The following PRKCG variants were observed in gnomAD, a reference collection of about 807,000 sequenced individuals.
PRKCG encodes the protein protein kinase C gamma, also known as protein kinase C gamma type.
PRKCG carries 28 observed loss-of-function variants against 82.0 expected under a neutral mutation model. The observed-to-expected ratio is 0.34, with a 90% CI of 0.25 to 0.47. PRKCG has a LOEUF of 0.47. Among genes scored for constraint, PRKCG ranks in the 20% least tolerant of loss-of-function variants. PRKCG has a pLI of 1.00. For missense variants in PRKCG, 640 were observed against 952.7 expected (o/e 0.67, Z 4.32); for synonymous variants, 383 against 376.6 (o/e 1.02, Z -0.20).
rs1266525283 is a variant in PRKCG at position 53,883,859 on chromosome 19, A to G, written c.203-302A>G. On this transcript the variant is annotated intron_variant, in intron 2 of 17. Coordinates refer to ENST00000263431, the MANE Select transcript of PRKCG (RefSeq NM_002739.5). The surrounding 1 kb of genome is among the most constrained non-coding windows in gnomAD (Gnocchi z 5.4). ...TCCGTGGGCCTGTGTCTGTTTGTCA[A>G]TGGGATCCTATTTTCTTTCTCTCTT... Among the ~76,000 whole-genome samples, 27 of 151,970 alleles carry G rather than the reference A, an allele frequency of 1.8e-4. No individual in the cohort carries two copies. Among genetic ancestry groups the G allele is most frequent in the Admixed American group, 1.7e-3 (26 of 15,258 alleles).
intron 3 of PRKCG, among the ~76,000 whole-genome samples, chr19:53,887,193 G>C (rs1044101128): frequency 6.6e-6 from 1 of 151,908 alleles, no homozygotes; most frequent in Non-Finnish European, 1.5e-5. Flanking sequence ...GCTGGCAGTT[G>C]ATCTTCTTAA....
At chr19:53,890,748 A>AT (rs540543756) in intron 5 of PRKCG, among the ~76,000 whole-genome samples, 1,356 of 119,760 alleles carry the variant, frequency 0.011, 14 homozygotes, top group Non-Finnish European at 0.014. Context: ...CATCCGGCTA[A>AT]TTTTTTTTTT....
intron 10 of PRKCG, 61 bp from the exon 11 acceptor site, chr19:53,898,379 G>T: frequency 6.3e-7 from 1 of 1,592,706 alleles, no homozygotes; most frequent in South Asian, 1.1e-5. Context: ...TTAGGGAGGG[G>T]GCAGGTCCTG....
intron 6 of PRKCG, 28 bp downstream of exon 6, chr19:53,891,858 G>A: frequency 6.2e-7 from 1 of 1,613,514 alleles, no homozygotes; most frequent in Non-Finnish European, 8.5e-7. Flanking sequence ...GGAAGGCAAT[G>A]ACAGCTGACA....
At chr19:53,894,097 G>C (rs941312713) in intron 9 of PRKCG, among the ~76,000 whole-genome samples, 11 of 136,662 alleles carry the variant, frequency 8.0e-5, no homozygotes, top group East Asian at 2.3e-4. Flanking sequence ...ACGGAGTCTC[G>C]CTGTGACGCC....
rs1383023897 is a variant in PRKCG, at chr19:53,900,785, G to T, written c.1575+36G>T. On this transcript the variant is annotated intron_variant, in intron 14 of 17. Coordinates refer to ENST00000263431, the MANE Select transcript of PRKCG (RefSeq NM_002739.5). This position sits in a 1 kb window ranked among gnomAD's most constrained non-coding sequence, Gnocchi z 4.2. ...CCCTGCTGCTCTGGTCACGCTTTGA[G>T]ATCCCTTAGAGGGTGTAGCTGATGG... is the stretch of plus-strand genomic sequence containing the variant. 1 of 1,613,754 alleles carries T rather than the reference G, an allele frequency of 6.2e-7. No individual in the cohort carries two copies. Among genetic ancestry groups the T allele is most frequent in the Admixed American group, 1.7e-5 (1 of 60,030 alleles).
intron 11 of PRKCG, among the ~76,000 whole-genome samples, chr19:53,899,336 C>G (rs1302818781): frequency 1.3e-5 from 2 of 152,140 alleles, no homozygotes; most frequent in Non-Finnish European, 2.9e-5. Context: ...GAATTTTCAG[C>G]AAAGGGGCAC....
intron 9 of PRKCG, among the ~76,000 whole-genome samples, chr19:53,893,616 A>T (rs536174743): frequency 6.6e-6 from 1 of 152,222 alleles, no homozygotes; most frequent in Admixed American, 6.5e-5. Context: ...ATACAGGAAG[A>T]TGTGCTAAAT....
chr19:53,897,294 T>C (rs1422635554), intron 9 of PRKCG, among the ~76,000 whole-genome samples: 1 of 152,140 alleles, frequency 6.6e-6, no homozygotes, highest in East Asian at 1.9e-4. Flanking sequence ...CAGCCGTCCA[T>C]GTAGAGGGAC....
In PRKCG at chr19:53,900,697, C is replaced by G; in HGVS notation, c.1523C>G (p.Pro508Arg). 6.2e-7 allele frequency: 1 copy of G among 1,614,240 alleles called. No individual in the cohort carries two copies. The highest frequency in any genetic ancestry group is 8.5e-7 in the Non-Finnish European group (1 of 1,180,052). Residue 508 changes from proline (P) to arginine (R), a missense_variant, in exon 14 of 18, where the codon CCC becomes CGC. Physicochemically the swap from Pro to Arg is moderately radical, Grantham distance 103 (BLOSUM62 -2). Coordinates refer to ENST00000263431, the MANE Select transcript of PRKCG (RefSeq NM_002739.5). This position sits in a 1 kb window ranked among gnomAD's most constrained non-coding sequence, Gnocchi z 4.2. ...DFGMCKENVF[P>R]GTTTRTFCGT... ...GGCATGTGTAAGGAGAACGTCTTCC[C>G]CGGGACGACAACCCGCACCTTCTGC...
At chr19:53,898,756 C>CAGACGA (rs1481476767) in intron 11 of PRKCG, 128 bp downstream of exon 11, 2 of 228,108 alleles carry the variant, frequency 8.8e-6, no homozygotes, top group African/African-American at 3.5e-5. Flanking sequence ...CGAGGCCAGG[C>CAGACGA]GGATTGTCTC....
At chr19:53,895,691 G>A (rs62143254) in intron 9 of PRKCG, among the ~76,000 whole-genome samples, 4,888 of 152,192 alleles carry the variant, frequency 0.032, 106 homozygotes, top group Non-Finnish European at 0.051. Context: ...ACTCAGTGAC[G>A]ATCTCTCTGA....
chr19:53,906,831 A>T lies in PRKCG; in HGVS notation c.2030A>T (p.Asn677Ile), dbSNP rs2068816237. The change falls in exon 18 of 18, where the codon AAC becomes ATC. Residue 677 changes from asparagine (N) to isoleucine (I), a missense_variant. By Grantham distance (149) the Asn-to-Ile change is moderately radical. Transcript: ENST00000263431. ...QADFQGFTYV[N>I]PDFVHPDARS... Reference sequence around the variant, plus strand: ...GATTTCCAGGGCTTCACCTACGTGAACCCCGACTTCGTGCACCCGGATGCC... The same window carrying T: ...GATTTCCAGGGCTTCACCTACGTGATCCCCGACTTCGTGCACCCGGATGCC... 1 of 1,613,438 alleles carries T rather than the reference A, an allele frequency of 6.2e-7. No individual in the cohort carries two copies. The highest frequency in any genetic ancestry group is 8.5e-7 in the Non-Finnish European group (1 of 1,179,944).
At position 53,884,276 on chromosome 19, in the gene PRKCG, G is replaced by C. The variant is rs2068615746; in HGVS notation, c.285+33G>C. On this transcript the variant is annotated intron_variant, in intron 3 of 17. Transcript: ENST00000263431. This position sits in a 1 kb window ranked among gnomAD's most constrained non-coding sequence, Gnocchi z 4.6. Reference sequence around the variant, plus strand: ...CTCGGACACCTGGTTCTCCTCCTCGGGCCGTGCCCCCGCCCTCACCCCCTC... The same window carrying C: ...CTCGGACACCTGGTTCTCCTCCTCGCGCCGTGCCCCCGCCCTCACCCCCTC... 1 of 1,603,496 alleles carries C rather than the reference G, an allele frequency of 6.2e-7. No individual in the cohort carries two copies. The highest frequency in any genetic ancestry group is 8.5e-7 in the Non-Finnish European group (1 of 1,171,346).
Position 53,892,851 on chromosome 19 carries a change from C to G in PRKCG, c.822-137C>G. The G allele has an allele frequency of 9.5e-7, 1 of 1,055,788 alleles. No homozygotes were observed. 65.4% of individuals were successfully genotyped at this position (1,055,788 alleles called of 1,614,324 possible). The stretch of plus-strand genomic sequence containing the variant: ...CTCCCCTCCCTTTCTCCCTCTCCCT[C>G]TCTTTTTATCTCACTCTTTCTCTCT... On this transcript the variant is annotated intron_variant, in intron 7 of 17. Coordinates refer to ENST00000263431, the MANE Select transcript of PRKCG (RefSeq NM_002739.5). The surrounding 1 kb of genome is among the most constrained non-coding windows in gnomAD (Gnocchi z 5.9).
Position 53,892,012 on chromosome 19 carries a change from G to C in PRKCG, c.686+182G>C, listed in dbSNP as rs1025059353. On this transcript the variant is annotated intron_variant, in intron 6 of 17. Coordinates refer to ENST00000263431, the MANE Select transcript of PRKCG (RefSeq NM_002739.5). The surrounding 1 kb of genome is among the most constrained non-coding windows in gnomAD (Gnocchi z 5.9). ...GGAGTGGGATGGAGATACAGAAACG[G>C]AGAGACAGCCAGACCACTGTATAAT... Among the ~76,000 whole-genome samples, 4 of 152,142 alleles carry C rather than the reference G, an allele frequency of 2.6e-5. No individual in the cohort carries two copies. The highest frequency in any genetic ancestry group is 9.7e-5 in the African/African-American group (4 of 41,430).
chr19:53,888,647 G>A (rs1052288383), intron 3 of PRKCG, among the ~76,000 whole-genome samples: 3 of 152,104 alleles, frequency 2.0e-5, no homozygotes, highest in Non-Finnish European at 4.4e-5. Context: ...CATCTAACGT[G>A]GTAGGCACAG....
At chr19:53,885,349 C>T (rs987067609) in intron 3 of PRKCG, among the ~76,000 whole-genome samples, 9 of 152,150 alleles carry the variant, frequency 5.9e-5, no homozygotes, top group African/African-American at 1.7e-4. Context: ...CTACCTCAGC[C>T]TCCTGAGTAG....
At position 53,884,296 on chromosome 19, in the gene PRKCG, C is replaced by A; in HGVS notation, c.285+53C>A. On this transcript the variant is annotated intron_variant, in intron 3 of 17. Transcript: ENST00000263431. This position sits in a 1 kb window ranked among gnomAD's most constrained non-coding sequence, Gnocchi z 4.6. The stretch of plus-strand genomic sequence containing the variant: ...CCTCGGGCCGTGCCCCCGCCCTCAC[C>A]CCCTCGGCGTCCGTCCCAATTTCTC... The A allele has an allele frequency of 2.6e-6, 4 of 1,528,120 alleles. No homozygotes were observed. The highest frequency in any genetic ancestry group is 2.1e-4 in the Middle Eastern group (1 of 4,774). The allele number at this position is 1,528,120 out of a possible 1,614,324, so 94.7% of individuals were successfully genotyped here.
Sources: allele counts gnomAD v4.1 joint callset (sites outside exome capture counted in the v4.1 genomes callset), GRCh38; gene constraint gnomAD v4.1.1; non-coding constraint Gnocchi (gnomAD v3.1); transcripts MANE v1.5; gene names NCBI Gene and HGNC (gene_info 2026-07-23, HGNC 2026-07-21).